Variants in KRT25 observed in about 807,000 individuals in gnomAD.
KRT25 encodes the protein keratin 25, also known as keratin, type I cytoskeletal 25.
Under a neutral mutation model 47.6 loss-of-function variants are expected in KRT25, and 37 were observed. That is an observed-to-expected ratio of 0.78 (90% confidence interval 0.60 to 1.02). KRT25 has a LOEUF of 1.02. Ranked by LOEUF, KRT25 falls within the 50% of genes least tolerant of loss-of-function variation. The pLI, the probability that KRT25 is intolerant of heterozygous loss-of-function variation, is 0.00. For synonymous variants in KRT25, 203 were observed against 210.2 expected, an observed-to-expected ratio of 0.97 and a Z score of 0.30; for missense variants, 542 against 550.3, an observed-to-expected ratio of 0.98 and a Z score of 0.15.
intron 6 of KRT25, among the ~76,000 whole-genome samples, 168 bp downstream of exon 6, chr17:40,750,212 G>T (rs1567660966): frequency 6.6e-6 from 1 of 152,146 alleles, no homozygotes; most frequent in Non-Finnish European, 1.5e-5. Flanking sequence ...ATTGGTTTAA[G>T]ATATTAATTT....
intron 2 of KRT25, 60 bp from the exon 3 acceptor site, chr17:40,754,076 A>G: frequency 6.6e-7 from 1 of 1,504,040 alleles, no homozygotes; most frequent in Non-Finnish European, 9.2e-7. Context: ...GTCACTAGTC[A>G]CTGATCAATG....
Position 40,750,503 on chromosome 17 carries a change from TG to T in KRT25, c.1051del (p.Gln351SerfsTer37). 6.2e-7 allele frequency: 1 copy of T among 1,614,196 alleles called. No homozygotes were observed. The highest frequency in any genetic ancestry group is 8.5e-7 in the Non-Finnish European group (1 of 1,180,014). The stretch of plus-strand genomic sequence containing the variant: ...GGTCTCGGTTCTGACCTGGTGCAGC[TG>T]CTCCTCCAGGGCCCCGATCTGAGCC... ...IQAQIGALEE[Q>X]LHQVRTETEG... On this transcript the variant is annotated frameshift_variant, in exon 6 of 8. Transcript: ENST00000312150. LOFTEE classifies it high-confidence loss of function.
chr17:40,748,465 A>G (rs2038016680), intron 7 of KRT25, 79 bp from the exon 8 acceptor site: 2 of 887,228 alleles, frequency 2.3e-6, no homozygotes, highest in Non-Finnish European at 3.4e-6. Flanking sequence ...GAATAATAGG[A>G]TTTGCATACA....
At chr17:40,750,029 G>T (rs1211861275) in intron 6 of KRT25, among the ~76,000 whole-genome samples, 1 of 152,090 alleles carries the variant, frequency 6.6e-6, no homozygotes, top group Non-Finnish European at 1.5e-5. Flanking sequence ...GTGGCCATGG[G>T]ACTTTATCAG....
In KRT25 at chr17:40,755,326, C is replaced by T; in HGVS notation, c.-55G>A. 1.3e-6 allele frequency: 2 copies of T among 1,525,906 alleles called. No homozygotes were observed. The highest frequency in any genetic ancestry group is 1.8e-6 in the Non-Finnish European group (2 of 1,128,400). The allele number at this position is 1,525,906 out of a possible 1,614,324, so 94.5% of individuals were successfully genotyped here. A position where few individuals can be genotyped will look rare whatever the true frequency, so the allele number is the denominator to read the frequency against. ...TATTTGTGAAAGCCAGAATGGAGTGCCTTCTTGTCTAAAAGGTTTGGTTTG... is the reference window on the plus strand; with the variant it reads ...TATTTGTGAAAGCCAGAATGGAGTGTCTTCTTGTCTAAAAGGTTTGGTTTG... On this transcript the variant is annotated 5_prime_UTR_variant, in exon 1 of 8. Transcript: ENST00000312150.
chr17:40,750,077 G>A (rs1158124903), intron 6 of KRT25, among the ~76,000 whole-genome samples: 2 of 152,114 alleles, frequency 1.3e-5, no homozygotes, highest in Non-Finnish European at 2.9e-5. Flanking sequence ...CTGAGCTCCA[G>A]AAACCATTTC....
intron 2 of KRT25, 83 bp from the exon 3 acceptor site, chr17:40,754,099 A>C: frequency 7.3e-7 from 1 of 1,365,646 alleles, no homozygotes; most frequent in South Asian, 1.2e-5. Context: ...AAATGCTAGC[A>C]TTCTGGAATT....
chr17:40,748,138 C>T lies in KRT25; in HGVS notation c.*139G>A. The T allele has an allele frequency of 3.7e-6, 2 of 545,822 alleles. No homozygotes were observed. Among genetic ancestry groups the T allele is most frequent in the Non-Finnish European group, 6.4e-6 (2 of 311,700 alleles). 33.8% of individuals were successfully genotyped at this position (545,822 alleles called of 1,614,324 possible). A position where few individuals can be genotyped will look rare whatever the true frequency, so the allele number is the denominator to read the frequency against. On this transcript the variant is annotated 3_prime_UTR_variant, in exon 8 of 8. Transcript: ENST00000312150. ...TTCTAGATGAATGGGGAGATGCTGT[C>T]ATTGATTGCCCAGAAAGAAAGTAAC... is the stretch of plus-strand genomic sequence containing the variant.
rs28630617 is a variant in KRT25 at position 40,749,391 on chromosome 17, G to A, written c.1176-66C>T. 3.3e-3 allele frequency: 3,875 copies of A among 1,165,442 alleles called. 92 individuals carry two copies. The African/African-American group carries it at 0.053, about 16-fold the overall frequency. The allele number at this position is 1,165,442 out of a possible 1,614,324, so 72.2% of individuals were successfully genotyped here. A position where few individuals can be genotyped will look rare whatever the true frequency, so the allele number is the denominator to read the frequency against. On this transcript the variant is annotated intron_variant, in intron 6 of 7. Transcript: ENST00000312150. ...CCATCAATTCTAGGATCACCATATGGTTTTCTTTAGCTCTTTGGTAGTTTC... is the reference window on the plus strand; with the variant it reads ...CCATCAATTCTAGGATCACCATATGATTTTCTTTAGCTCTTTGGTAGTTTC...
In KRT25 at chr17:40,755,004, G is replaced by A. The variant is rs145681444; in HGVS notation, c.268C>T (p.Leu90=). Residue 90 remains leucine, a synonymous_variant, in exon 1 of 8, where the codon CTG becomes TTG. Transcript: ENST00000312150. The stretch of plus-strand genomic sequence containing the variant: ...TGCACACTGTCCAGGTAGGATGCCA[G>A]GCGGTCATTGAGGTTCTGCATGGTC... ...KVTMQNLNDR[L]ASYLDSVHAL... 5.4e-4 allele frequency: 865 copies of A among 1,614,198 alleles called. 2 individuals carry two copies. Among genetic ancestry groups the A allele is most frequent in the South Asian group, 1.8e-3 (168 of 91,078 alleles).
chr17:40,751,029 T>A lies in KRT25; in HGVS notation c.882A>T (p.Ser294=), dbSNP rs1346838699. 1.2e-6 allele frequency: 2 copies of A among 1,614,192 alleles called. No individual in the cohort carries two copies. The highest frequency in any genetic ancestry group is 1.1e-5 in the South Asian group (1 of 91,076). The change falls in exon 5 of 8, where the codon TCA becomes TCT. Residue 294 remains serine (S), a synonymous_variant. Coordinates refer to ENST00000312150, the MANE Select transcript of KRT25 (RefSeq NM_181534.4). ...QISEDVGATT[S]ARNELTEMKR... is the part of the protein sequence containing the mutation. ...TCATTTCAGTCAGCTCATTCCGGGC[T>A]GAGGTTGTGGCTCCGACATCCTCAG... is the stretch of plus-strand genomic sequence containing the variant.
rs2038039374 is a variant in KRT25, at chr17:40,750,861, A to G, written c.957+93T>C. 2.1e-6 allele frequency: 3 copies of G among 1,440,288 alleles called. No individual in the cohort carries two copies. The South Asian group carries it at 3.9e-5, about 19-fold the overall frequency. 89.2% of individuals were successfully genotyped at this position (1,440,288 alleles called of 1,614,324 possible). A position where few individuals can be genotyped will look rare whatever the true frequency, so the allele number is the denominator to read the frequency against. ...TGTTTTGAGACAATTATAAACAAAT[A>G]TATTTCAATATTGTTAAGGTTTTTA... On this transcript the variant is annotated intron_variant, in intron 5 of 7. Coordinates refer to ENST00000312150, the MANE Select transcript of KRT25 (RefSeq NM_181534.4).
Position 40,750,476 on chromosome 17 carries a change from T to G in KRT25, c.1079A>C (p.Glu360Ala). ...CTGCTCATACTCCAGCTTCTGGCCC[T>G]CGGTCTCGGTTCTGACCTGGTGCAG... is the stretch of plus-strand genomic sequence containing the variant. The part of the protein sequence containing the change: ...EQLHQVRTET[E>A]GQKLEYEQLL... The change falls in exon 6 of 8, where the codon GAG becomes GCG. Residue 360 changes from glutamate (E) to alanine (A), a missense_variant. Transcript: ENST00000312150. 6.2e-7 allele frequency: 1 copy of G among 1,614,084 alleles called. No individual in the cohort carries two copies. The highest frequency in any genetic ancestry group is 8.5e-7 in the Non-Finnish European group (1 of 1,179,958).
rs746907829 is a variant in KRT25, at chr17:40,750,552, A to T, written c.1003T>A (p.Cys335Ser). 3 of 1,614,214 alleles carry T rather than the reference A, an allele frequency of 1.9e-6. No homozygotes were observed. The highest frequency in any genetic ancestry group is 1.7e-5 in the Admixed American group (1 of 60,036). The change falls in exon 6 of 8, where the codon TGT becomes AGT. Residue 335 changes from cysteine to serine, a missense_variant. Physicochemically the swap from Cys to Ser is moderately radical, Grantham distance 112. Transcript: ENST00000312150. The stretch of plus-strand genomic sequence containing the variant: ...GCCTGGATCTGCGCCAGCTGCGCAC[A>T]GTAGTTGCTCTCGGTCTCTGTCAAG... Reference protein sequence around the residue: ...CSLTETESNYCAQLAQIQAQI... With the variant: ...CSLTETESNYSAQLAQIQAQI...
chr17:40,750,857 A>T, intron 5 of KRT25, 97 bp downstream of exon 5: 1 of 1,440,098 alleles, frequency 6.9e-7, no homozygotes, highest in Non-Finnish European at 9.5e-7. Flanking sequence ...AATTATAAAC[A>T]AATATATTTC....
At position 40,753,874 on chromosome 17, in the gene KRT25, T is replaced by G. The variant is rs779236179; in HGVS notation, c.655A>C (p.Lys219Gln). 4 of 1,613,892 alleles carry G rather than the reference T, an allele frequency of 2.5e-6. No individual in the cohort carries two copies. In the South Asian group the frequency reaches 4.4e-5, roughly 18 times the overall value. The change falls in exon 3 of 8, where the codon AAG becomes CAG. Residue 219 changes from lysine (K) to glutamine (Q), a missense_variant. Lys to Gln is a moderately conservative substitution (Grantham distance 53). Coordinates refer to ENST00000312150, the MANE Select transcript of KRT25 (RefSeq NM_181534.4). ...TLSEEMTYLK[K>Q]NHKEEMQVLQ... ...CCAGCTCTTACCTCTTTATGGTTCT[T>G]TTTGAGGTAAGTCATCTCCTCACTC... is the stretch of plus-strand genomic sequence containing the variant.
intron 2 of KRT25, 57 bp downstream of exon 2, chr17:40,754,329 G>A: frequency 7.3e-7 from 1 of 1,366,460 alleles, no homozygotes; most frequent in Admixed American, 1.8e-5. Flanking sequence ...TGCTAAATTT[G>A]ATGTAATGCG....
In KRT25 at chr17:40,748,312, GC is replaced by G; in HGVS notation, c.1317del (p.Arg439SerfsTer?). 5.0e-6 allele frequency: 8 copies of G among 1,612,454 alleles called. No individual in the cohort carries two copies. Among genetic ancestry groups the G allele is most frequent in the Non-Finnish European group, 6.8e-6 (8 of 1,179,212 alleles). ...TGAGATTTCTCTTCCAGGGAGTGGA[GC>G]CTGGTGGTAAGTATTTTGCTGCGTT... ...VDQRSKILTTRLHSLEEKSQS... is the reference protein window; with the variant it reads ...VDQRSKILTTXLHSLEEKSQS... On this transcript the variant is annotated frameshift_variant, in exon 8 of 8. Coordinates refer to ENST00000312150, the MANE Select transcript of KRT25 (RefSeq NM_181534.4). LOFTEE classifies it high-confidence loss of function.
chr17:40,753,846 C>T lies in KRT25; in HGVS notation c.669+14G>A, dbSNP rs752654246. ...CTGCGGAGGGATAGCAAAATGTAGA[C>T]GACCAGCTCTTACCTCTTTATGGTT... is the stretch of plus-strand genomic sequence containing the variant. On this transcript the variant is annotated intron_variant, in intron 3 of 7. Coordinates refer to ENST00000312150, the MANE Select transcript of KRT25 (RefSeq NM_181534.4). 9.3e-6 allele frequency: 15 copies of T among 1,612,372 alleles called. No homozygotes were observed. Among genetic ancestry groups the T allele is most frequent in the Admixed American group, 5.0e-5 (3 of 59,854 alleles).
Sources: gnomAD v4.1 joint callset for allele counts (sites outside exome capture counted in the v4.1 genomes callset) on GRCh38, gnomAD v4.1.1 for gene constraint, MANE v1.5 for transcripts, NCBI Gene and HGNC (gene_info 2026-07-23, HGNC 2026-07-21) for gene names.